CTNNA3: variants seen among roughly 807,000 people sequenced by gnomAD.
The protein encoded by CTNNA3 is catenin alpha 3.
Under a neutral mutation model 95.7 loss-of-function variants are expected in CTNNA3, and 76 were observed. The ratio of observed to expected loss-of-function variants is 0.79; its 90% CI spans 0.66 to 0.96. The LOEUF is 0.96. Ranked by LOEUF, CTNNA3 falls within the 40% of genes least tolerant of loss-of-function variation. The probability of loss-of-function intolerance (pLI) is 0.00; values close to 1 mark genes in which losing one functional copy is unlikely to be tolerated. For missense variants in CTNNA3, 1,191 were observed against 1,089.8 expected, an observed-to-expected ratio of 1.09 and a Z score of -1.31; for synonymous variants, 431 against 374.4, an observed-to-expected ratio of 1.15 and a Z score of -1.74.
Position 66,570,569 on chromosome 10 carries a change from G to A in CTNNA3, c.1375-49796C>T, listed in dbSNP as rs542567690. ...CCCAAGGTGCTGGGATTACAGGCGT[G>A]AGCCACCGCACCCAGCCGACAAAAT... On this transcript the variant is annotated intron_variant, in intron 10 of 17. Transcript: ENST00000433211. Among the ~76,000 whole-genome samples, 106 of 151,916 alleles carry A rather than the reference G, an allele frequency of 7.0e-4. 2 individuals are homozygous for A. In the Middle Eastern group the frequency reaches 0.01, roughly 15 times the overall value.
intron 1 of CTNNA3, among the ~76,000 whole-genome samples, chr10:67,711,224 AC>A (rs1841105556): frequency 1.3e-5 from 2 of 152,206 alleles, no homozygotes; most frequent in Non-Finnish European, 2.9e-5. Flanking sequence ...GTAAATTGGT[AC>A]CAGTAGAGTG....
intron 10 of CTNNA3, among the ~76,000 whole-genome samples, chr10:66,523,377 C>A (rs72793639): frequency 0.011 from 1,726 of 152,276 alleles, 16 homozygotes; most frequent in Non-Finnish European, 0.02. Context: ...TGATTCAACA[C>A]TGCACACTAT....
chr10:67,704,266 T>TA (rs1386314251), intron 1 of CTNNA3, among the ~76,000 whole-genome samples: 1 of 152,046 alleles, frequency 6.6e-6, no homozygotes, highest in Non-Finnish European at 1.5e-5. Context: ...CACAGAATTG[T>TA]AAAAAACTGC....
intron 11 of CTNNA3, among the ~76,000 whole-genome samples, chr10:66,495,214 C>A (rs1381790091): frequency 6.6e-6 from 1 of 151,986 alleles, no homozygotes; most frequent in Non-Finnish European, 1.5e-5. Context: ...TTTGGCTAGC[C>A]CATAAACTCT....
chr10:66,342,289 C>A (rs1452584510), intron 12 of CTNNA3, among the ~76,000 whole-genome samples: 2 of 151,874 alleles, frequency 1.3e-5, no homozygotes, highest in East Asian at 1.9e-4. Context: ...CAGAGCCCAA[C>A]AAAATGCCTG....
At chr10:67,197,571 G>A (rs921442885) in intron 6 of CTNNA3, among the ~76,000 whole-genome samples, 1 of 152,120 alleles carries the variant, frequency 6.6e-6, no homozygotes, top group Admixed American at 6.6e-5. Flanking sequence ...GGTGGTGACA[G>A]TTTCTCAATA....
intron 11 of CTNNA3, among the ~76,000 whole-genome samples, chr10:66,436,525 T>TTTTTTTC (rs2093339327): frequency 9.6e-6 from 1 of 104,616 alleles, no homozygotes; most frequent in African/African-American, 5.3e-5. Flanking sequence ...TTTTTTTTTT[T>TTTTTTTC]TGCTTTCTAT....
At chr10:67,188,489 A>G (rs559110079) in intron 6 of CTNNA3, among the ~76,000 whole-genome samples, 47 of 152,332 alleles carry the variant, frequency 3.1e-4, no homozygotes, top group South Asian at 2.5e-3. Flanking sequence ...TGAAAGCTAC[A>G]GGTAATCTTG....
At chr10:65,928,401 C>T (rs2077199893) in intron 17 of CTNNA3, among the ~76,000 whole-genome samples, 1 of 152,096 alleles carries the variant, frequency 6.6e-6, no homozygotes, top group African/African-American at 2.4e-5. Context: ...TTCCACAATA[C>T]TAAGACTAGA....
intron 4 of CTNNA3, among the ~76,000 whole-genome samples, chr10:67,532,218 C>T (rs921112220): frequency 1.3e-5 from 2 of 152,176 alleles, no homozygotes; most frequent in East Asian, 1.9e-4. Context: ...AGATCTTCCA[C>T]AAAATATACA....
chr10:66,854,080 T>C (rs1385450884), intron 7 of CTNNA3, among the ~76,000 whole-genome samples: 1 of 152,100 alleles, frequency 6.6e-6, no homozygotes, highest in Non-Finnish European at 1.5e-5. Context: ...AACAGAGAAA[T>C]GCCCTCATTT....
intron 10 of CTNNA3, among the ~76,000 whole-genome samples, chr10:66,576,820 T>C (rs1283751419): frequency 6.6e-6 from 1 of 151,714 alleles, no homozygotes; most frequent in Non-Finnish European, 1.5e-5. Context: ...TTTGGTAGAA[T>C]GATTTATTTT....
chr10:66,187,650 A>T (rs2086415041), intron 13 of CTNNA3, among the ~76,000 whole-genome samples: 1 of 151,918 alleles, frequency 6.6e-6, no homozygotes, highest in Non-Finnish European at 1.5e-5. Context: ...ATCTCTATCA[A>T]TTTTTTAGCT....
chr10:67,347,064 A>AT (rs553377037), intron 5 of CTNNA3, among the ~76,000 whole-genome samples: 2,535 of 144,198 alleles, frequency 0.018, 30 homozygotes, highest in Middle Eastern at 0.036. Context: ...TAATCCTAGA[A>AT]TTTTTTTTTT....
chr10:67,393,250 C>G (rs796481173), intron 5 of CTNNA3, among the ~76,000 whole-genome samples: 21 of 152,202 alleles, frequency 1.4e-4, no homozygotes, highest in African/African-American at 4.8e-4. Context: ...CATATTATTA[C>G]TCATACCATC....
chr10:66,375,123 G>C (rs2092786258), intron 12 of CTNNA3, among the ~76,000 whole-genome samples: 1 of 151,790 alleles, frequency 6.6e-6, no homozygotes, highest in African/African-American at 2.4e-5. Context: ...ACAAGGGGTA[G>C]AGATATTTAA....
intron 9 of CTNNA3, among the ~76,000 whole-genome samples, chr10:66,719,360 T>C (rs1848553769): frequency 6.6e-6 from 1 of 152,328 alleles, no homozygotes; most frequent in South Asian, 2.1e-4. Context: ...TATGACCACA[T>C]ATGTTACACT....
At chr10:66,796,276 C>A (rs1401048831) in intron 7 of CTNNA3, among the ~76,000 whole-genome samples, 2 of 152,028 alleles carry the variant, frequency 1.3e-5, no homozygotes, top group African/African-American at 4.8e-5. Context: ...TTAAAGGCCA[C>A]TGCATGGTTA....
chr10:66,201,786 T>TTTC (rs1286451558), intron 13 of CTNNA3, among the ~76,000 whole-genome samples: 1 of 134,554 alleles, frequency 7.4e-6, no homozygotes, highest in African/African-American at 2.7e-5. Flanking sequence ...ACTTTTTCTT[T>TTTC]TTTTTTTTTT....
Sources: gnomAD v4.1 joint callset for allele counts (sites outside exome capture counted in the v4.1 genomes callset) on GRCh38, gnomAD v4.1.1 for gene constraint, MANE v1.5 for transcripts, NCBI Gene and HGNC (gene_info 2026-07-23, HGNC 2026-07-21) for gene names.